KIF5C: variants seen among roughly 807,000 people sequenced by gnomAD.
KIF5C encodes kinesin family member 5C, also known as kinesin heavy chain isoform 5C.
Under a neutral mutation model 125.2 loss-of-function variants are expected in KIF5C, and 18 were observed. The ratio of observed to expected loss-of-function variants is 0.14; its 90% CI spans 0.10 to 0.21. The LOEUF (loss-of-function observed/expected upper bound fraction) is 0.21, where lower values mean the gene tolerates loss of function less well. KIF5C is among the 10% of genes least tolerant of loss of function. The pLI, the probability that KIF5C is intolerant of heterozygous loss-of-function variation, is 1.00. For missense variants in KIF5C, 780 were observed against 1,183.8 expected, an observed-to-expected ratio of 0.66 and a Z score of 5.01; for synonymous variants, 405 against 434.0, an observed-to-expected ratio of 0.93 and a Z score of 0.83.
intron 12 of KIF5C, among the ~76,000 whole-genome samples, chr2:148,974,532 A>G (rs998056216): frequency 3.3e-5 from 5 of 152,202 alleles, no homozygotes; most frequent in African/African-American, 9.6e-5. Context: ...TTCTGGGGTC[A>G]TCCTACTCTT....
chr2:149,011,943 G>A (rs977574784), intron 25 of KIF5C, among the ~76,000 whole-genome samples: 1 of 152,220 alleles, frequency 6.6e-6, no homozygotes, highest in Admixed American at 6.5e-5. Context: ...TAGGGGTGGT[G>A]AGTGATTCAG....
intron 8 of KIF5C, 69 bp downstream of exon 8, chr2:148,947,092 A>G (rs1682536243): frequency 6.6e-7 from 1 of 1,508,498 alleles, no homozygotes; most frequent in Non-Finnish European, 8.8e-7. Flanking sequence ...CAATGGTATA[A>G]TTTTTATGCT....
chr2:148,949,058 AG>A (rs750157689), intron 8 of KIF5C, among the ~76,000 whole-genome samples: 78 of 152,198 alleles, frequency 5.1e-4, no homozygotes, highest in Admixed American at 3.8e-3. Context: ...TTCTTGAGAG[AG>A]CAGCTGCTCC....
chr2:148,880,957 T>G (rs1574683882), intron 1 of KIF5C, among the ~76,000 whole-genome samples: 2 of 150,242 alleles, frequency 1.3e-5, no homozygotes, highest in African/African-American at 4.9e-5. Flanking sequence ...AAACCTAGTT[T>G]TTTTTTTTTT....
intron 1 of KIF5C, among the ~76,000 whole-genome samples, chr2:148,892,451 T>C (rs1361018282): frequency 2.0e-5 from 3 of 152,242 alleles, no homozygotes; most frequent in Admixed American, 6.5e-5. Flanking sequence ...GGAACGACTA[T>C]AGGAGAAGAG....
chr2:148,937,495 G>A lies in KIF5C; in HGVS notation c.396+107G>A, dbSNP rs1160131237. ...AAAAGATGATCCTACTAATTTAAATGACATTCTTGTGGTAAGCAGAGCCCT... is the reference window on the plus strand; with the variant it reads ...AAAAGATGATCCTACTAATTTAAATAACATTCTTGTGGTAAGCAGAGCCCT... On this transcript the variant is annotated intron_variant, in intron 4 of 25. Transcript: ENST00000435030. 11 of 1,425,508 alleles carry A rather than the reference G, an allele frequency of 7.7e-6. No individual in the cohort carries two copies. The Admixed American group carries it at 2.9e-4, about 37-fold the overall frequency. 88.3% of individuals were successfully genotyped at this position (1,425,508 alleles called of 1,614,324 possible). A position where few individuals can be genotyped will look rare whatever the true frequency, so the allele number is the denominator to read the frequency against.
Position 148,897,918 on chromosome 2 carries a change from C to CAAAAAA in KIF5C, c.126+22210_126+22215dup, listed in dbSNP as rs55762538. Reference sequence around the variant, plus strand: ...TGGCTGACAGAGTAAGACTCAGTCTCAAAAAAAAAAAAAAAAAAAAAAAAA... The same window carrying CAAAAAA: ...TGGCTGACAGAGTAAGACTCAGTCTCAAAAAAAAAAAAAAAAAAAAAAAAAAAAAAA... On this transcript the variant is annotated intron_variant, in intron 1 of 25. Coordinates refer to ENST00000435030, the MANE Select transcript of KIF5C (RefSeq NM_004522.3). Among the ~76,000 whole-genome samples, 5 of 20,452 alleles carry CAAAAAA rather than the reference C, an allele frequency of 2.4e-4. 2 individuals carry two copies. Among genetic ancestry groups the CAAAAAA allele is most frequent in the African/African-American group, 4.6e-4 (2 of 4,344 alleles). The allele number at this position is 20,452 out of a possible 152,430, so 13.4% of individuals were successfully genotyped here.
chr2:148,927,648 G>A (rs1682055177), intron 2 of KIF5C, among the ~76,000 whole-genome samples: 1 of 152,136 alleles, frequency 6.6e-6, no homozygotes, highest in Admixed American at 6.5e-5. Flanking sequence ...TGACCTAAGG[G>A]TGGGACCTTT....
chr2:148,950,000 C>A, intron 9 of KIF5C, 57 bp downstream of exon 9: 3 of 1,552,560 alleles, frequency 1.9e-6, no homozygotes, highest in South Asian at 1.2e-5. Context: ...CCTTTTGGGG[C>A]CTCATAGTCC....
At chr2:148,919,139 T>A (rs1030476135) in intron 1 of KIF5C, among the ~76,000 whole-genome samples, 1 of 152,184 alleles carries the variant, frequency 6.6e-6, no homozygotes, top group Admixed American at 6.5e-5. Context: ...CTAGAGGACA[T>A]GTGAATCTGG....
At chr2:148,942,131 G>T in intron 6 of KIF5C, 141 bp downstream of exon 6, 7 of 930,952 alleles carry the variant, frequency 7.5e-6, no homozygotes, top group South Asian at 5.8e-5. Flanking sequence ...ATATTCATCT[G>T]GTTTTAAAAA....
intron 7 of KIF5C, among the ~76,000 whole-genome samples, chr2:148,944,114 A>T (rs1682469803): frequency 6.6e-6 from 1 of 152,214 alleles, no homozygotes; most frequent in South Asian, 2.1e-4. Flanking sequence ...ATCTAAAAAA[A>T]AATTGCTATT....
At position 148,938,670 on chromosome 2, in the gene KIF5C, G is replaced by A. The variant is rs1216196151; in HGVS notation, c.396+1282G>A. 3.3e-5 allele frequency among the ~76,000 whole-genome samples: 5 copies of A among 152,154 alleles called. No homozygotes were observed. The South Asian group carries it at 8.3e-4, about 25-fold the overall frequency. On this transcript the variant is annotated intron_variant, in intron 4 of 25. Coordinates refer to ENST00000435030, the MANE Select transcript of KIF5C (RefSeq NM_004522.3). ...GTCTGGGGGCCCCCACTGTGGCTGG[G>A]GAGGGTGAAGGGGCAGTTCTAAGAA...
In KIF5C at chr2:148,875,674, C is replaced by G; in HGVS notation, c.57C>G (p.Asn19Lys). 1 of 1,582,766 alleles carries G rather than the reference C, an allele frequency of 6.3e-7. No homozygotes were observed. The highest frequency in any genetic ancestry group is 8.6e-7 in the Non-Finnish European group (1 of 1,164,652). ...IKVMCRFRPL[N>K]EAEILRGDKF... ...TGATGTGCCGGTTCCGGCCCCTCAA[C>G]GAAGCGGAGATCCTCCGCGGGGACA... Residue 19 changes from asparagine to lysine, a missense_variant, in exon 1 of 26, where the codon AAC becomes AAG. Around this residue, in one of 2 missense-constraint regions of KIF5C, gnomAD observed 207 missense variants for 441.2 expected, o/e 0.47. Coordinates refer to ENST00000435030, the MANE Select transcript of KIF5C (RefSeq NM_004522.3).
At chr2:148,894,199 C>T (rs575901506) in intron 1 of KIF5C, among the ~76,000 whole-genome samples, 1 of 152,286 alleles carries the variant, frequency 6.6e-6, no homozygotes, top group East Asian at 1.9e-4. Flanking sequence ...ATTGAATATC[C>T]AAACTCCATT....
intron 12 of KIF5C, 31 bp downstream of exon 12, chr2:148,973,542 C>A: frequency 6.4e-7 from 1 of 1,573,202 alleles, no homozygotes; most frequent in Non-Finnish European, 8.6e-7. Context: ...AGTTCTCATT[C>A]TGCTACAAAG....
chr2:148,928,470 A>T (rs906205690), intron 2 of KIF5C, among the ~76,000 whole-genome samples: 1 of 152,114 alleles, frequency 6.6e-6, no homozygotes. Flanking sequence ...TATTTTAATC[A>T]CCTCTGCTGC....
chr2:148,997,467 G>C, intron 18 of KIF5C, 127 bp downstream of exon 18: 1 of 1,513,680 alleles, frequency 6.6e-7, no homozygotes, highest in Non-Finnish European at 9.0e-7. Context: ...AGGGGCTGTT[G>C]TTGGGCATTC....
At chr2:148,986,088 A>T (rs1170869366) in intron 15 of KIF5C, among the ~76,000 whole-genome samples, 1 of 152,208 alleles carries the variant, frequency 6.6e-6, no homozygotes. Context: ...GAGTTGATAT[A>T]TGGGAAGTTG....
Sources: allele counts gnomAD v4.1 joint callset (sites outside exome capture counted in the v4.1 genomes callset), GRCh38; gene constraint gnomAD v4.1.1; regional missense constraint gnomAD v4.1.1; transcripts MANE v1.5; gene names NCBI Gene and HGNC (gene_info 2026-07-23, HGNC 2026-07-21).